The following WDR64 variants were observed in gnomAD, a reference collection of about 807,000 sequenced individuals.
WDR64 encodes WD repeat domain 64, also known as WD repeat-containing protein 64.
Under a neutral mutation model 139.3 loss-of-function variants are expected in WDR64, and 112 were observed. That is an observed-to-expected ratio of 0.80 (90% confidence interval 0.69 to 0.94). The LOEUF (loss-of-function observed/expected upper bound fraction) is 0.94. Ranked by LOEUF, WDR64 falls within the 40% of genes least tolerant of loss-of-function variation. The pLI is 0.00. For synonymous variants in WDR64, 444 were observed against 437.7 expected (o/e 1.01, Z -0.18); for missense variants, 1,206 against 1,293.1 (o/e 0.93, Z 1.03).
intron 2 of WDR64, 111 bp from the exon 3 acceptor site, chr1:241,670,963 G>C (rs1666203188): frequency 1.4e-6 from 1 of 723,220 alleles, no homozygotes; most frequent in Non-Finnish European, 2.2e-6. Flanking sequence ...ACAAAGCAGG[G>C]TGCTGGCTGT....
intron 5 of WDR64, among the ~76,000 whole-genome samples, 197 bp downstream of exon 5, chr1:241,678,413 G>A (rs191916363): frequency 3.3e-5 from 5 of 152,226 alleles, no homozygotes; most frequent in South Asian, 2.1e-4. Context: ...CTTGCTTTCC[G>A]GAGTTAAACT....
intron 23 of WDR64, among the ~76,000 whole-genome samples, chr1:241,787,092 C>T (rs1004024200): frequency 2.6e-5 from 4 of 152,048 alleles, no homozygotes; most frequent in African/African-American, 9.6e-5. Context: ...CGGTGGCTCA[C>T]ACCTGTAATC....
At chr1:241,709,190 C>T (rs1329802783) in intron 8 of WDR64, among the ~76,000 whole-genome samples, 2 of 152,134 alleles carry the variant, frequency 1.3e-5, no homozygotes, top group African/African-American at 2.4e-5. Context: ...CATAAATCTG[C>T]ATCCTCCTAA....
At position 241,703,286 on chromosome 1, in the gene WDR64, C is replaced by A. The variant is rs1416079247; in HGVS notation, c.975-8516C>A. 6.6e-6 allele frequency among the ~76,000 whole-genome samples: 1 copy of A among 152,038 alleles called. No individual in the cohort carries two copies. The highest frequency in any genetic ancestry group is 1.5e-5 in the Non-Finnish European group (1 of 68,018). On this transcript the variant is annotated intron_variant, in intron 8 of 27. Coordinates refer to ENST00000437684, the MANE Select transcript of WDR64 (RefSeq NM_001367482.1). The surrounding 1 kb of genome is among the most constrained non-coding windows in gnomAD (Gnocchi z 5.9). The stretch of plus-strand genomic sequence containing the variant: ...CATTGCCTTCCATTCAGTGAACAAC[C>A]CCTATCGTGTAACACATGCCCCCTG...
chr1:241,769,047 G>A (rs924577602), intron 16 of WDR64, among the ~76,000 whole-genome samples: 8 of 152,256 alleles, frequency 5.3e-5, no homozygotes, highest in Non-Finnish European at 7.4e-5. Flanking sequence ...CAGGAGGATC[G>A]CTTGAGCCCA....
rs769734888 is a variant in WDR64, at chr1:241,783,278, A to AAGC, written c.2606_2608dup (p.Gln869dup). The AAGC allele has an allele frequency of 6.2e-7, 1 of 1,613,350 alleles. No individual in the cohort carries two copies. Among genetic ancestry groups the AAGC allele is most frequent in the Non-Finnish European group, 8.5e-7 (1 of 1,179,740 alleles). On this transcript the variant is annotated inframe_insertion, in exon 23 of 28. Coordinates refer to ENST00000437684, the MANE Select transcript of WDR64 (RefSeq NM_001367482.1). The stretch of plus-strand genomic sequence containing the variant: ...CCTTGTTTTTGCTATCTAGAAATTC[A>AAGC]AGCAGCTGCTTTCCTGGCGTGCTCA...
intron 2 of WDR64, among the ~76,000 whole-genome samples, chr1:241,667,228 A>G (rs537951511): frequency 6.6e-6 from 1 of 152,340 alleles, no homozygotes; most frequent in South Asian, 2.1e-4. Flanking sequence ...TTATCATTAC[A>G]CATTCTCTGA....
rs762750963 is a variant in WDR64 at position 241,735,823 on chromosome 1, ATC to A, written c.1195-2508_1195-2507del. On this transcript the variant is annotated intron_variant, in intron 10 of 27. Coordinates refer to ENST00000437684, the MANE Select transcript of WDR64 (RefSeq NM_001367482.1). ...GCTCCCAGCCTGTCCTTCTCTTTCT[ATC>A]TCTCTCTCTCTCTCTCTCTCTCTCT... is the stretch of plus-strand genomic sequence containing the variant. 8.9e-3 allele frequency among the ~76,000 whole-genome samples: 734 copies of A among 82,728 alleles called. 4 individuals are homozygous for A. Among genetic ancestry groups the A allele is most frequent in the African/African-American group, 0.013 (288 of 22,840 alleles). The allele number at this position is 82,728 out of a possible 152,430, so 54.3% of individuals were successfully genotyped here. A position where few individuals can be genotyped will look rare whatever the true frequency, so the allele number is the denominator to read the frequency against.
intron 8 of WDR64, among the ~76,000 whole-genome samples, chr1:241,692,028 T>TAAAAAAA (rs77284427): frequency 8.8e-6 from 1 of 113,772 alleles, no homozygotes; most frequent in African/African-American, 3.2e-5. Flanking sequence ...AATAAAAAAA[T>TAAAAAAA]AAAAAAAAAA....
Position 241,772,451 on chromosome 1 carries a change from C to CTTTTTTTTTTTTTT in WDR64, c.2291-325_2291-312dup, listed in dbSNP as rs534177884. Among the ~76,000 whole-genome samples the CTTTTTTTTTTTTTT allele has an allele frequency of 1.7e-3, 102 of 59,056 alleles. 23 individuals carry two copies. Among genetic ancestry groups the CTTTTTTTTTTTTTT allele is most frequent in the Non-Finnish European group, 2.1e-3 (72 of 33,490 alleles). 38.7% of individuals were successfully genotyped at this position (59,056 alleles called of 152,430 possible). A position where few individuals can be genotyped will look rare whatever the true frequency, so the allele number is the denominator to read the frequency against. ...AGTATTGCAAATTCCAAGATAGATC[C>CTTTTTTTTTTTTTT]TTTTTTTTTTTTTTTTTTTTTTTTT... On this transcript the variant is annotated intron_variant, in intron 19 of 27. Transcript: ENST00000437684.
At chr1:241,747,734 C>T (rs1483327475) in intron 13 of WDR64, among the ~76,000 whole-genome samples, 2 of 152,012 alleles carry the variant, frequency 1.3e-5, no homozygotes, top group East Asian at 1.9e-4. Flanking sequence ...ATGCGAGAAT[C>T]GATGTTGCAG....
At chr1:241,729,294 C>A (rs73141054) in intron 10 of WDR64, among the ~76,000 whole-genome samples, 2,025 of 152,248 alleles carry the variant, frequency 0.013, 48 homozygotes, top group African/African-American at 0.046. Context: ...CATTAGAAAG[C>A]ACTTGTAGAC....
At chr1:241,778,872 GTT>G (rs1658752039) in intron 21 of WDR64, among the ~76,000 whole-genome samples, 1 of 151,892 alleles carries the variant, frequency 6.6e-6, no homozygotes, top group Non-Finnish European at 1.5e-5. Flanking sequence ...CAAATACATT[GTT>G]GCTATCATTA....
intron 2 of WDR64, among the ~76,000 whole-genome samples, chr1:241,662,621 CTTAG>C (rs1387657821): frequency 6.6e-6 from 1 of 152,068 alleles, no homozygotes; most frequent in Non-Finnish European, 1.5e-5. Flanking sequence ...GTCATATTCT[CTTAG>C]TTAGAAGTAA....
rs1666901739 is a variant in WDR64 at position 241,683,655 on chromosome 1, A to T, written c.793A>T (p.Lys265Ter). 1 of 1,551,558 alleles carries T rather than the reference A, an allele frequency of 6.4e-7. No individual in the cohort carries two copies. The highest frequency in any genetic ancestry group is 8.7e-7 in the Non-Finnish European group (1 of 1,146,898). ...CTTTGGAATAAAGCAGGCAAAATCC[A>T]AAAGAAAATTACAAAATCAGGTCTT... ...DDFGIKQAKSKRKLQNQVLDS... is the reference protein window; with the variant it reads ...DDFGIKQAKS Residue 265 changes from lysine (K) to a stop codon, truncating the protein, a stop_gained, in exon 7 of 28, where the codon AAA becomes TAA. Transcript: ENST00000437684. LOFTEE classifies it high-confidence loss of function.
Position 241,749,688 on chromosome 1 carries a change from C to A in WDR64, c.1736C>A (p.Ala579Asp). 4.3e-6 allele frequency: 7 copies of A among 1,614,046 alleles called. No individual in the cohort carries two copies. The highest frequency in any genetic ancestry group is 5.9e-6 in the Non-Finnish European group (7 of 1,179,984). ...AQEKHQQLVL[A>D]LERNGTIKMI... ...GAAAAACACCAGCAGCTGGTCCTGG[C>A]CTTGGAGCGCAACGGGACTATCAAA... The change falls in exon 14 of 28, where the codon GCC (alanine) becomes GAC (aspartate). Residue 579 changes from alanine to aspartate, a missense_variant. Transcript: ENST00000437684.
intron 17 of WDR64, among the ~76,000 whole-genome samples, chr1:241,769,746 T>C (rs976432766): frequency 6.6e-6 from 1 of 152,192 alleles, no homozygotes; most frequent in Non-Finnish European, 1.5e-5. Context: ...TAAAGTGCTG[T>C]GTGGTCCCCT....
intron 7 of WDR64, among the ~76,000 whole-genome samples, chr1:241,684,851 G>A (rs1332824784): frequency 1.3e-5 from 2 of 152,068 alleles, no homozygotes; most frequent in East Asian, 1.9e-4. Context: ...TCCGCCTCCC[G>A]GGTTCAAGCG....
At chr1:241,697,003 A>G (rs919393146) in intron 8 of WDR64, among the ~76,000 whole-genome samples, 4 of 151,926 alleles carry the variant, frequency 2.6e-5, no homozygotes, top group African/African-American at 9.7e-5. Context: ...CCTCTCCTCT[A>G]CTTTCTTCCC....
Sources: allele counts gnomAD v4.1 joint callset (sites outside exome capture counted in the v4.1 genomes callset), GRCh38; gene constraint gnomAD v4.1.1; non-coding constraint Gnocchi (gnomAD v3.1); transcripts MANE v1.5; gene names NCBI Gene and HGNC (gene_info 2026-07-23, HGNC 2026-07-21).